CHRM2: variants seen among roughly 807,000 people sequenced by gnomAD.
The protein encoded by CHRM2 is muscarinic acetylcholine receptor M2.
CHRM2 carries 8 observed loss-of-function variants against 25.0 expected under a neutral mutation model. The ratio of observed to expected loss-of-function variants is 0.32; its 90% confidence interval spans 0.19 to 0.58. CHRM2 has a LOEUF of 0.58. CHRM2 is among the 20% of genes least tolerant of loss of function. CHRM2 has a pLI of 0.88. For missense variants in CHRM2, 440 were observed against 567.1 expected, an observed-to-expected ratio of 0.78 and a Z score of 2.28; for synonymous variants, 202 against 205.7, an observed-to-expected ratio of 0.98 and a Z score of 0.15.
chr7:136,919,283 G>A lies in CHRM2; in HGVS notation c.-125+49865G>A, dbSNP rs79411205. ...ATTTCTTAAATACGACCATACTAAG[G>A]TCAAGATGCTTTTACTAAACTTTTC... On this transcript the variant is annotated intron_variant, in intron 2 of 3. Coordinates refer to ENST00000680005, the MANE Select transcript of CHRM2 (RefSeq NM_001006630.2). Among the ~76,000 whole-genome samples the A allele has an allele frequency of 6.1e-3, 931 of 152,062 alleles. 4 individuals are homozygous for A. Among genetic ancestry groups the A allele is most frequent in the Non-Finnish European group, 9.2e-3 (627 of 67,974 alleles).
chr7:137,007,017 G>A (rs324645), intron 3 of CHRM2, among the ~76,000 whole-genome samples: 72,704 of 151,884 alleles, frequency 0.48, 18,218 homozygotes, highest in Middle Eastern at 0.54. Flanking sequence ...AAGATATAAC[G>A]CAGAATCTTG....
At chr7:136,905,283 G>T (rs987150614) in intron 2 of CHRM2, among the ~76,000 whole-genome samples, 1 of 151,404 alleles carries the variant, frequency 6.6e-6, no homozygotes, top group African/African-American at 2.4e-5. Context: ...TGTTGAAAAG[G>T]GCCAAGATAT....
Position 137,000,540 on chromosome 7 carries a change from GA to G in CHRM2, c.-47+8279del, listed in dbSNP as rs1803936958. On this transcript the variant is annotated intron_variant, in intron 3 of 3. Coordinates refer to ENST00000680005, the MANE Select transcript of CHRM2 (RefSeq NM_001006630.2). ...ATTAAAAAAAAAGAAAGAAAGAAAA[GA>G]AAGAAAGAAGGAAGGAAGGAAGGAA... Among the ~76,000 whole-genome samples, 3 of 132,546 alleles carry G rather than the reference GA, an allele frequency of 2.3e-5. No individual in the cohort carries two copies. The South Asian group carries it at 7.8e-4, about 34-fold the overall frequency. The allele number at this position is 132,546 out of a possible 152,430, so 87.0% of individuals were successfully genotyped here. A position where few individuals can be genotyped will look rare whatever the true frequency, so the allele number is the denominator to read the frequency against.
chr7:136,880,764 G>A (rs758976039), intron 2 of CHRM2, among the ~76,000 whole-genome samples: 1 of 151,608 alleles, frequency 6.6e-6, no homozygotes, highest in Non-Finnish European at 1.5e-5. Context: ...TGATACATTT[G>A]TTTCAATTGA....
chr7:136,948,172 A>G (rs1241809446), intron 2 of CHRM2, among the ~76,000 whole-genome samples: 1 of 152,164 alleles, frequency 6.6e-6, no homozygotes, highest in Non-Finnish European at 1.5e-5. Flanking sequence ...CAATGCATAA[A>G]GTAATGGACT....
At chr7:136,958,163 G>C (rs1194264342) in intron 2 of CHRM2, among the ~76,000 whole-genome samples, 1 of 152,160 alleles carries the variant, frequency 6.6e-6, no homozygotes, top group African/African-American at 2.4e-5. Context: ...AGTTGAGAGG[G>C]AAGAGAACAG....
rs1805270388 is a variant in CHRM2 at position 137,018,082 on chromosome 7, A to G, written c.*1816A>G. The G allele has an allele frequency of 6.6e-6, 1 of 151,922 alleles. No individual in the cohort carries two copies. Among genetic ancestry groups the G allele is most frequent in the Admixed American group, 6.6e-5 (1 of 15,204 alleles). 9.4% of individuals were successfully genotyped at this position (151,922 alleles called of 1,614,324 possible). On this transcript the variant is annotated 3_prime_UTR_variant, in exon 4 of 4. Transcript: ENST00000680005. ...TATCTTGTTCAGTAATAATAATGTT[A>G]GTTACATGGTAAATTTATCAATATT...
At chr7:136,946,114 A>T (rs1030255524) in intron 2 of CHRM2, among the ~76,000 whole-genome samples, 2 of 152,138 alleles carry the variant, frequency 1.3e-5, no homozygotes, top group South Asian at 2.1e-4. Flanking sequence ...GCAGCTGTCA[A>T]AAGGGAATAA....
At chr7:136,911,674 C>T (rs989324554) in intron 2 of CHRM2, among the ~76,000 whole-genome samples, 1 of 151,896 alleles carries the variant, frequency 6.6e-6, no homozygotes, top group Admixed American at 6.6e-5. Context: ...TAAATGTCTC[C>T]GTTTAATCCA....
At chr7:137,008,795 A>G (rs1017806546) in intron 3 of CHRM2, among the ~76,000 whole-genome samples, 1 of 152,082 alleles carries the variant, frequency 6.6e-6, no homozygotes, top group South Asian at 2.1e-4. Flanking sequence ...ATACAATTAC[A>G]TGTCTTCTCT....
intron 3 of CHRM2, among the ~76,000 whole-genome samples, chr7:137,013,571 C>G (rs546710396): frequency 6.6e-6 from 1 of 152,046 alleles, no homozygotes; most frequent in South Asian, 2.1e-4. Context: ...GCTGTTTCTC[C>G]AGAAATGTGT....
chr7:136,916,594 A>G (rs1301248866), intron 2 of CHRM2, among the ~76,000 whole-genome samples: 1 of 151,120 alleles, frequency 6.6e-6, no homozygotes, highest in African/African-American at 2.4e-5. Context: ...TCCTCCTCAC[A>G]TGTTCCCTTT....
chr7:136,938,841 A>AC (rs1338693067), intron 2 of CHRM2, among the ~76,000 whole-genome samples: 1 of 134,072 alleles, frequency 7.5e-6, no homozygotes, highest in Admixed American at 8.7e-5. Flanking sequence ...CTACCTGGGG[A>AC]CCCCCCTTGC....
At chr7:136,984,236 C>G (rs1375234393) in intron 2 of CHRM2, among the ~76,000 whole-genome samples, 2 of 152,108 alleles carry the variant, frequency 1.3e-5, no homozygotes, top group African/African-American at 4.8e-5. Context: ...TTTGTTTGCA[C>G]TGTGAGGGGA....
intron 2 of CHRM2, among the ~76,000 whole-genome samples, chr7:136,936,007 GTTTAA>G (rs1799390059): frequency 6.6e-6 from 1 of 152,046 alleles, no homozygotes; most frequent in Admixed American, 6.6e-5. Flanking sequence ...GGAAAGTGGT[GTTTAA>G]TTTAAATGTA....
chr7:136,880,191 T>TAA (rs1796210907), intron 2 of CHRM2, among the ~76,000 whole-genome samples: 1 of 151,850 alleles, frequency 6.6e-6, no homozygotes, highest in Non-Finnish European at 1.5e-5. Context: ...GTATTGGCAA[T>TAA]TATTGGCAGC....
At chr7:136,897,699 A>G (rs545171371) in intron 2 of CHRM2, among the ~76,000 whole-genome samples, 1 of 151,398 alleles carries the variant, frequency 6.6e-6, no homozygotes, top group African/African-American at 2.4e-5. Flanking sequence ...AGTCATGGGA[A>G]AAAAAAAAGA....
At chr7:136,994,914 T>C (rs919078895) in intron 3 of CHRM2, among the ~76,000 whole-genome samples, 6 of 152,078 alleles carry the variant, frequency 3.9e-5, no homozygotes, top group African/African-American at 1.4e-4. Context: ...TCTGTTCTTA[T>C]CCATAACTTC....
At chr7:136,887,701 C>T (rs1303761027) in intron 2 of CHRM2, among the ~76,000 whole-genome samples, 2 of 152,142 alleles carry the variant, frequency 1.3e-5, no homozygotes, top group Non-Finnish European at 2.9e-5. Flanking sequence ...ATTCCATCTC[C>T]CTCCTAAGGA....
Sources: gnomAD v4.1 joint callset for allele counts (sites outside exome capture counted in the v4.1 genomes callset) on GRCh38, gnomAD v4.1.1 for gene constraint, MANE v1.5 for transcripts, NCBI Gene and HGNC (gene_info 2026-07-23, HGNC 2026-07-21) for gene names.